PALS1: variants seen among roughly 807,000 people sequenced by gnomAD.
PALS1 encodes the protein protein PALS1.
A neutral mutation model predicts 78.9 loss-of-function variants in PALS1; 31 were observed. The observed-to-expected ratio is 0.39, with a 90% CI of 0.30 to 0.53. PALS1 has a LOEUF of 0.53. PALS1 is among the 20% of genes least tolerant of loss of function. The pLI is 0.67. For synonymous variants in PALS1, 276 were observed against 270.9 expected (o/e 1.02, Z -0.18); for missense variants, 704 against 826.5 (o/e 0.85, Z 1.82).
At chr14:67,256,763 G>A (rs1234154810) in intron 1 of PALS1, among the ~76,000 whole-genome samples, 1 of 151,128 alleles carries the variant, frequency 6.6e-6, no homozygotes. Context: ...ATCTAATAGA[G>A]TAAGTAGGAG....
At chr14:67,287,004 G>A (rs138248454) in intron 3 of PALS1, among the ~76,000 whole-genome samples, 151 of 152,248 alleles carry the variant, frequency 9.9e-4, no homozygotes, top group African/African-American at 3.3e-3. Flanking sequence ...GATCACTTGA[G>A]TCCAGGAGTT....
intron 4 of PALS1, among the ~76,000 whole-genome samples, chr14:67,299,878 T>C (rs1033149808): frequency 3.9e-5 from 6 of 152,232 alleles, no homozygotes; most frequent in African/African-American, 1.4e-4. Context: ...TAATCCAGAA[T>C]TATCTTCCCA....
intron 1 of PALS1, among the ~76,000 whole-genome samples, chr14:67,266,545 C>T (rs1595570318): frequency 6.6e-6 from 1 of 151,936 alleles, no homozygotes; most frequent in Non-Finnish European, 1.5e-5. Context: ...AGGCTGGTCT[C>T]AAACTGCTGA....
intron 9 of PALS1, 62 bp from the exon 10 acceptor site, chr14:67,316,767 TAAA>T (rs5809338): frequency 1.9e-5 from 25 of 1,282,364 alleles, no homozygotes; most frequent in Non-Finnish European, 2.5e-5. Flanking sequence ...CCTTCTTGAT[TAAA>T]AAAAAAATTC....
chr14:67,266,526 A>G (rs1173448331), intron 1 of PALS1, among the ~76,000 whole-genome samples: 3 of 152,110 alleles, frequency 2.0e-5, no homozygotes, highest in Admixed American at 2.0e-4. Flanking sequence ...GGGTTTCACC[A>G]TGTTGGCCAG....
intron 1 of PALS1, among the ~76,000 whole-genome samples, chr14:67,251,757 GT>G (rs2084067203): frequency 1.3e-5 from 2 of 152,166 alleles, no homozygotes; most frequent in Non-Finnish European, 2.9e-5. Context: ...AGAGTCTTTT[GT>G]TTGAATGAGG....
chr14:67,327,693 G>A (rs949439636), intron 14 of PALS1, among the ~76,000 whole-genome samples: 150 of 151,666 alleles, frequency 9.9e-4, no homozygotes, highest in African/African-American at 3.5e-3. Flanking sequence ...CCTGTGTCCT[G>A]GTGTTCTCAT....
intron 14 of PALS1, among the ~76,000 whole-genome samples, chr14:67,328,231 A>G (rs1450807881): frequency 1.3e-5 from 2 of 152,226 alleles, no homozygotes; most frequent in African/African-American, 4.8e-5. Context: ...TCTGATGGCC[A>G]GTGATGATGA....
intron 1 of PALS1, among the ~76,000 whole-genome samples, chr14:67,245,946 G>T (rs2083980787): frequency 6.6e-6 from 1 of 151,844 alleles, no homozygotes; most frequent in Admixed American, 6.6e-5. Flanking sequence ...TAAAATGAGA[G>T]AAGTACAAGT....
chr14:67,267,979 C>T (rs1488931013), intron 1 of PALS1, among the ~76,000 whole-genome samples: 2 of 152,024 alleles, frequency 1.3e-5, no homozygotes, highest in Non-Finnish European at 2.9e-5. Context: ...TATTCATTCC[C>T]AGCTGAAGGA....
Position 67,248,636 on chromosome 14 carries a change from G to T in PALS1, c.-237+7103G>T, listed in dbSNP as rs149929428. On this transcript the variant is annotated intron_variant, in intron 1 of 14. Coordinates refer to ENST00000261681, the MANE Select transcript of PALS1 (RefSeq NM_022474.4). Reference sequence around the variant, plus strand: ...TGGCATTTTGCTTCTTTAAGGCAGGGGTCAACAACTTTCGGTAAGTATTTT... The same window carrying T: ...TGGCATTTTGCTTCTTTAAGGCAGGTGTCAACAACTTTCGGTAAGTATTTT... Among the ~76,000 whole-genome samples the T allele has an allele frequency of 2.4e-3, 366 of 152,146 alleles. 9 individuals are homozygous for T. Among genetic ancestry groups the T allele is most frequent in the East Asian group, 0.017 (89 of 5,184 alleles).
intron 9 of PALS1, among the ~76,000 whole-genome samples, chr14:67,315,931 T>A (rs926871525): frequency 3.0e-4 from 45 of 152,248 alleles, no homozygotes; most frequent in African/African-American, 1.1e-3. Context: ...TCTCAAAAGA[T>A]AACCAGGCTT....
intron 3 of PALS1, among the ~76,000 whole-genome samples, chr14:67,284,586 A>C (rs10151501): frequency 0.19 from 26,629 of 140,456 alleles, 4,504 homozygotes; most frequent in East Asian, 0.47. Context: ...AAAAAAAAAA[A>C]AAGGTTGTGC....
intron 4 of PALS1, among the ~76,000 whole-genome samples, chr14:67,298,656 C>A (rs2084892190): frequency 6.6e-6 from 1 of 152,058 alleles, no homozygotes; most frequent in South Asian, 2.1e-4. Context: ...TTTGGAGTAA[C>A]TGACTTTATT....
At chr14:67,283,109 G>T (rs2084627313) in intron 3 of PALS1, among the ~76,000 whole-genome samples, 1 of 152,052 alleles carries the variant, frequency 6.6e-6, no homozygotes, top group African/African-American at 2.4e-5. Flanking sequence ...AAGACTCCTG[G>T]AATTTGTGAT....
chr14:67,321,236 T>C lies in PALS1; in HGVS notation c.1717T>C (p.Cys573Arg). Residue 573 changes from cysteine (C) to arginine (R), a missense_variant, in exon 13 of 15, where the codon TGT becomes CGT. Physicochemically the swap from Cys to Arg is radical, Grantham distance 180 (BLOSUM62 -3). Coordinates refer to ENST00000261681, the MANE Select transcript of PALS1 (RefSeq NM_022474.4). ...GCAAGTGATCAACTCTGGCAAAATA[T>C]GTCTTTTAAGTCTTCGTACACAGGT... is the stretch of plus-strand genomic sequence containing the variant. ...VRQVINSGKI[C>R]LLSLRTQSLK... 1 of 1,614,224 alleles carries C rather than the reference T, an allele frequency of 6.2e-7. No individual in the cohort carries two copies. Among genetic ancestry groups the C allele is most frequent in the Non-Finnish European group, 8.5e-7 (1 of 1,180,040 alleles).
intron 3 of PALS1, among the ~76,000 whole-genome samples, chr14:67,284,315 C>T (rs2084643840): frequency 6.6e-6 from 1 of 151,030 alleles, no homozygotes; most frequent in Admixed American, 6.6e-5. Flanking sequence ...CAAGGTTGTG[C>T]AGGCAGGCGT....
intron 14 of PALS1, 71 bp downstream of exon 14, chr14:67,323,883 G>C: frequency 2.5e-6 from 2 of 794,936 alleles, no homozygotes. Context: ...AATTTGTCCT[G>C]GTGCTTAAAA....
chr14:67,272,221 G>A (rs142784874), intron 2 of PALS1, among the ~76,000 whole-genome samples: 1 of 152,044 alleles, frequency 6.6e-6, no homozygotes, highest in African/African-American at 2.4e-5. Context: ...TTCATAGGAT[G>A]GACCCAATCA....
Sources: gnomAD v4.1 joint callset for allele counts (sites outside exome capture counted in the v4.1 genomes callset) on GRCh38, gnomAD v4.1.1 for gene constraint, MANE v1.5 for transcripts, NCBI Gene and HGNC (gene_info 2026-07-23, HGNC 2026-07-21) for gene names.